CCDC146: variants seen among roughly 807,000 people sequenced by gnomAD.
CCDC146 encodes the protein coiled-coil domain-containing protein 146.
CCDC146 carries 92 observed loss-of-function variants against 119.3 expected under a neutral mutation model. The observed-to-expected ratio is 0.77, with a 90% CI of 0.65 to 0.92. CCDC146 has a LOEUF of 0.92. Among genes scored for constraint, CCDC146 ranks in the 40% least tolerant of loss-of-function variants. The pLI, the probability that CCDC146 is intolerant of heterozygous loss-of-function variation, is 0.00. For synonymous variants in CCDC146, 372 were observed against 371.8 expected (o/e 1.00, Z -0.01); for missense variants, 1,000 against 1,103.0 (o/e 0.91, Z 1.32).
At chr7:77,199,051 T>C in intron 2 of CCDC146, 1 of 780,054 alleles carries the variant, frequency 1.3e-6, no homozygotes, top group East Asian at 2.5e-5. Context: ...TATTTTTTCC[T>C]GTGCACCTTG....
At chr7:77,268,412 C>T (rs1793448765) in intron 9 of CCDC146, among the ~76,000 whole-genome samples, 1 of 152,182 alleles carries the variant, frequency 6.6e-6, no homozygotes, top group African/African-American at 2.4e-5. Context: ...CAGTTCTGCT[C>T]CTGGATACCA....
chr7:77,199,757 C>A, intron 2 of CCDC146: 1 of 1,614,088 alleles, frequency 6.2e-7, no homozygotes, highest in Non-Finnish European at 8.5e-7. Context: ...GTGGCAAGAA[C>A]AGCTGAGCTC....
At chr7:77,144,408 T>A (rs1478657532) in intron 1 of CCDC146, among the ~76,000 whole-genome samples, 3 of 151,828 alleles carry the variant, frequency 2.0e-5, no homozygotes, top group Non-Finnish European at 4.4e-5. Flanking sequence ...TACTCTTTAT[T>A]TCTTTCTCCT....
intron 9 of CCDC146, among the ~76,000 whole-genome samples, chr7:77,265,292 G>A (rs1471177106): frequency 6.6e-6 from 1 of 152,120 alleles, no homozygotes; most frequent in Non-Finnish European, 1.5e-5. Context: ...AACAATTCCT[G>A]TTTATTGATC....
At chr7:77,217,347 CACAT>C (rs1417293550) in intron 2 of CCDC146, among the ~76,000 whole-genome samples, 3 of 151,612 alleles carry the variant, frequency 2.0e-5, no homozygotes, top group East Asian at 1.9e-4. Flanking sequence ...CACACACACA[CACAT>C]ATGTATATAT....
intron 1 of CCDC146, among the ~76,000 whole-genome samples, chr7:77,134,489 A>T (rs1274079693): frequency 1.3e-5 from 2 of 151,952 alleles, no homozygotes; most frequent in Non-Finnish European, 2.9e-5. Flanking sequence ...TTTGTTCAAC[A>T]TTGTTTTATA....
chr7:77,172,351 T>C (rs1161612896), intron 2 of CCDC146, among the ~76,000 whole-genome samples: 5 of 152,262 alleles, frequency 3.3e-5, no homozygotes, highest in African/African-American at 1.2e-4. Context: ...TTCAGTTGTT[T>C]AAACAGAAAC....
Position 77,260,170 on chromosome 7 carries a change from A to G in CCDC146, c.920A>G (p.Glu307Gly). 6.2e-7 allele frequency: 1 copy of G among 1,614,118 alleles called. No individual in the cohort carries two copies. The highest frequency in any genetic ancestry group is 8.5e-7 in the Non-Finnish European group (1 of 1,180,032). ...KRALLEIKER[E>G]HNQLVKLLEL... is the part of the protein sequence containing the mutation. ...GCCTTACTTGAAATCAAAGAACGAG[A>G]ACATAACCAATTGGTCAAGCTATTG... The change falls in exon 8 of 19, where the codon GAA becomes GGA. Residue 307 changes from glutamate to glycine, a missense_variant. Transcript: ENST00000285871.
chr7:77,122,829 T>C (rs145974589), intron 1 of CCDC146, 97 bp downstream of exon 1: 147 of 153,750 alleles, frequency 9.6e-4, no homozygotes, highest in Non-Finnish European at 1.6e-3. Flanking sequence ...AGTGCGGGCA[T>C]CTCCAGGGCA....
At chr7:77,231,915 C>T (rs1359060132) in intron 2 of CCDC146, among the ~76,000 whole-genome samples, 1 of 149,230 alleles carries the variant, frequency 6.7e-6, no homozygotes, top group Admixed American at 6.7e-5. Context: ...CATAATTTTT[C>T]ATTGTAAATT....
intron 1 of CCDC146, among the ~76,000 whole-genome samples, chr7:77,137,370 C>CA (rs1790874853): frequency 6.9e-6 from 1 of 145,616 alleles, no homozygotes. Flanking sequence ...TCAACAACAA[C>CA]AAAAAACTCC....
intron 4 of CCDC146, among the ~76,000 whole-genome samples, chr7:77,253,891 G>A (rs1251502101): frequency 6.6e-6 from 1 of 152,186 alleles, no homozygotes; most frequent in Non-Finnish European, 1.5e-5. Context: ...CAAAGGCCCT[G>A]AGGTAGAATC....
chr7:77,283,617 C>T lies in CCDC146; in HGVS notation c.2148+832C>T, dbSNP rs572377741. Among the ~76,000 whole-genome samples the T allele has an allele frequency of 3.0e-4, 45 of 152,218 alleles. 1 individual carries two copies. The highest frequency in any genetic ancestry group is 6.8e-3 in the Middle Eastern group (2 of 294). ...TTATAAAGAAGAAAATAAAATTCTACTCCCAAGATATAATTGCTATTAAAA... is the reference window on the plus strand; with the variant it reads ...TTATAAAGAAGAAAATAAAATTCTATTCCCAAGATATAATTGCTATTAAAA... On this transcript the variant is annotated intron_variant, in intron 15 of 18. Transcript: ENST00000285871.
chr7:77,254,740 A>G (rs1793145378), intron 5 of CCDC146, among the ~76,000 whole-genome samples, 177 bp downstream of exon 5: 1 of 152,194 alleles, frequency 6.6e-6, no homozygotes, highest in Non-Finnish European at 1.5e-5. Flanking sequence ...AATATAAGTG[A>G]TGCCTATTAT....
intron 1 of CCDC146, among the ~76,000 whole-genome samples, chr7:77,161,586 A>G (rs36134641): frequency 0.16 from 22,416 of 141,984 alleles, 1,797 homozygotes; most frequent in Middle Eastern, 0.21. Flanking sequence ...GAATTGAACA[A>G]TGAGAACACA....
intron 18 of CCDC146, 128 bp downstream of exon 18, chr7:77,293,328 A>C (rs185879483): frequency 1.0e-6 from 1 of 986,146 alleles, no homozygotes; most frequent in East Asian, 2.4e-5. Context: ...AACAGTCGTT[A>C]GAAGTGTATT....
chr7:77,282,627 A>T lies in CCDC146; in HGVS notation c.1990A>T (p.Met664Leu). 1 of 1,612,830 alleles carries T rather than the reference A, an allele frequency of 6.2e-7. No individual in the cohort carries two copies. Among genetic ancestry groups the T allele is most frequent in the East Asian group, 2.2e-5 (1 of 44,866 alleles). The change falls in exon 15 of 19, where the codon ATG becomes TTG. Residue 664 changes from methionine to leucine, a missense_variant. Transcript: ENST00000285871. ...TGAAAAAATAAATATCCAAGAGAAG[A>T]TGAAACTAAATGGAGAAATTGAAAT... ...FYEKINIQEKMKLNGEIEIHL... is the reference protein window; with the variant it reads ...FYEKINIQEKLKLNGEIEIHL...
chr7:77,252,350 T>C (rs764386585), intron 4 of CCDC146, among the ~76,000 whole-genome samples: 13 of 152,042 alleles, frequency 8.6e-5, no homozygotes, highest in Non-Finnish European at 1.3e-4. Context: ...CCAAACAGGG[T>C]AAACTCAAAG....
intron 1 of CCDC146, among the ~76,000 whole-genome samples, chr7:77,142,052 T>G (rs1340870759): frequency 1.3e-5 from 2 of 152,130 alleles, no homozygotes; most frequent in Non-Finnish European, 2.9e-5. Context: ...TTTTAGGTAT[T>G]GATGGAATGT....
Sources: allele counts gnomAD v4.1 joint callset (sites outside exome capture counted in the v4.1 genomes callset), GRCh38; gene constraint gnomAD v4.1.1; transcripts MANE v1.5; gene names NCBI Gene and HGNC (gene_info 2026-07-23, HGNC 2026-07-21).